The following PCDHA12 variants were observed in gnomAD, a reference collection of about 807,000 sequenced individuals.
The protein encoded by PCDHA12 is protocadherin alpha-12.
A neutral mutation model predicts 60.0 loss-of-function variants in PCDHA12; 44 were observed. The ratio of observed to expected loss-of-function variants is 0.73; its 90% confidence interval spans 0.58 to 0.94. PCDHA12 has a LOEUF of 0.94. Among genes scored for constraint, PCDHA12 ranks in the 40% least tolerant of loss-of-function variants. The pLI, the probability that PCDHA12 is intolerant of heterozygous loss-of-function variation, is 0.00. For missense variants in PCDHA12, 1,276 were observed against 1,239.7 expected, an observed-to-expected ratio of 1.03 and a Z score of -0.44; for synonymous variants, 569 against 553.0, an observed-to-expected ratio of 1.03 and a Z score of -0.40.
chr5:140,958,116 T>G (rs2095410051), intron 1 of PCDHA12, among the ~76,000 whole-genome samples: 1 of 152,060 alleles, frequency 6.6e-6, no homozygotes, highest in African/African-American at 2.4e-5. Context: ...TGGTTCCATT[T>G]TGTAAAATGT....
chr5:140,999,797 T>C (rs2097876830), intron 3 of PCDHA12, among the ~76,000 whole-genome samples: 1 of 152,202 alleles, frequency 6.6e-6, no homozygotes, highest in African/African-American at 2.4e-5. Context: ...CAGAGTTATT[T>C]TGGGCACAAA....
At chr5:140,891,285 G>T (rs1402021884) in intron 1 of PCDHA12, among the ~76,000 whole-genome samples, 1 of 152,102 alleles carries the variant, frequency 6.6e-6, no homozygotes, top group South Asian at 2.1e-4. Flanking sequence ...GTTATTGGGG[G>T]TACAGGTGGT....
rs148688132 is a variant in PCDHA12, at chr5:140,902,203, CTT to C, written c.2367+24381_2367+24382del. Among the ~76,000 whole-genome samples the C allele has an allele frequency of 5.2e-3, 642 of 124,424 alleles. 3 individuals are homozygous for C. The highest frequency in any genetic ancestry group is 0.019 in the African/African-American group (601 of 32,314). 81.6% of individuals were successfully genotyped at this position (124,424 alleles called of 152,430 possible). The stretch of plus-strand genomic sequence containing the variant: ...TTATGTCTTCTCTCTCTCTCTCTTT[CTT>C]TTTTTTTTTTTTTTTTGAGATGAGG... On this transcript the variant is annotated intron_variant, in intron 1 of 3. Coordinates refer to ENST00000398631, the MANE Select transcript of PCDHA12 (RefSeq NM_018903.4).
At chr5:140,902,986 T>C (rs569244845) in intron 1 of PCDHA12, among the ~76,000 whole-genome samples, 1 of 152,346 alleles carries the variant, frequency 6.6e-6, no homozygotes, top group East Asian at 1.9e-4. Flanking sequence ...GTTGGTTCCA[T>C]ATTTTTGCAA....
At position 140,978,793 on chromosome 5, in the gene PCDHA12, A is replaced by G. The variant is rs1241254692; in HGVS notation, c.2368-156A>G. 4.1e-6 allele frequency: 4 copies of G among 977,674 alleles called. No individual in the cohort carries two copies. In the African/African-American group the frequency reaches 7.0e-5, roughly 17 times the overall value. The allele number at this position is 977,674 out of a possible 1,614,324, so 60.6% of individuals were successfully genotyped here. On this transcript the variant is annotated intron_variant, in intron 1 of 3. Coordinates refer to ENST00000398631, the MANE Select transcript of PCDHA12 (RefSeq NM_018903.4). ...CTAATTTTCTTCTAAAGTGCTATAT[A>G]TGTAGATATCATCATAGAGTTACAC... is the stretch of plus-strand genomic sequence containing the variant.
chr5:141,005,932 G>A (rs1588114868), intron 3 of PCDHA12, among the ~76,000 whole-genome samples: 2 of 152,074 alleles, frequency 1.3e-5, no homozygotes, highest in East Asian at 3.9e-4. Context: ...GGTTGACAGA[G>A]TGAGAACCTA....
intron 1 of PCDHA12, among the ~76,000 whole-genome samples, chr5:140,896,063 G>A (rs531616608): frequency 1.4e-3 from 217 of 152,130 alleles, no homozygotes; most frequent in African/African-American, 4.7e-3. Flanking sequence ...CGCCTGCCTC[G>A]GCCTCCCAAC....
At chr5:140,900,673 A>T (rs936784929) in intron 1 of PCDHA12, among the ~76,000 whole-genome samples, 6 of 152,210 alleles carry the variant, frequency 3.9e-5, no homozygotes, top group African/African-American at 1.4e-4. Context: ...GAGTGCAGTT[A>T]TCTCTTCAAT....
intron 1 of PCDHA12, among the ~76,000 whole-genome samples, chr5:140,944,577 C>G (rs2093670906): frequency 6.6e-6 from 1 of 152,270 alleles, no homozygotes; most frequent in Admixed American, 6.5e-5. Flanking sequence ...CTGTAGAGAT[C>G]ACTTCAGAAT....
rs1012417649 is a variant in PCDHA12 at position 141,010,189 on chromosome 5, T to C, written c.*252T>C. On this transcript the variant is annotated 3_prime_UTR_variant, in exon 4 of 4. Coordinates refer to ENST00000398631, the MANE Select transcript of PCDHA12 (RefSeq NM_018903.4). ...AGAACCTAAAAAGCAGACCCAAGTT[T>C]CCTTTCTCCTCCGCCGCAAAGGAGA... 6 of 1,552,498 alleles carry C rather than the reference T, an allele frequency of 3.9e-6. No individual in the cohort carries two copies. Among genetic ancestry groups the C allele is most frequent in the Middle Eastern group, 1.7e-4 (1 of 5,994 alleles).
chr5:140,968,659 C>T, intron 1 of PCDHA12: 1 of 1,614,160 alleles, frequency 6.2e-7, no homozygotes, highest in East Asian at 2.2e-5. Flanking sequence ...CTGACCTGGA[C>T]CTCTTTAAGG....
rs549880473 is a variant in PCDHA12, at chr5:140,972,926, T to C, written c.2368-6023T>C. Among the ~76,000 whole-genome samples the C allele has an allele frequency of 9.2e-5, 14 of 152,264 alleles. No individual in the cohort carries two copies. The East Asian group carries it at 2.7e-3, about 29-fold the overall frequency. On this transcript the variant is annotated intron_variant, in intron 1 of 3. Coordinates refer to ENST00000398631, the MANE Select transcript of PCDHA12 (RefSeq NM_018903.4). ...ATCCACCCGCCTTGGCCTCCCAAAG[T>C]GCTGGGATTACAGATGTGAGCCACC...
chr5:140,884,260 G>A (rs781862611), intron 1 of PCDHA12: 19 of 1,613,410 alleles, frequency 1.2e-5, no homozygotes, highest in Non-Finnish European at 1.5e-5. Flanking sequence ...CCACGGCAAC[G>A]GTGCTGTTGT....
intron 1 of PCDHA12, among the ~76,000 whole-genome samples, chr5:140,945,368 C>T (rs980832309): frequency 1.3e-5 from 2 of 151,844 alleles, no homozygotes; most frequent in African/African-American, 4.8e-5. Flanking sequence ...TTAAAATGTC[C>T]ATATTACCCA....
chr5:140,964,600 A>G (rs1322521285), intron 1 of PCDHA12, among the ~76,000 whole-genome samples: 1 of 152,104 alleles, frequency 6.6e-6, no homozygotes, highest in Non-Finnish European at 1.5e-5. Flanking sequence ...TTTCATGACA[A>G]CTTACAACTT....
chr5:140,940,468 C>A (rs2092618066), intron 1 of PCDHA12, among the ~76,000 whole-genome samples: 1 of 151,866 alleles, frequency 6.6e-6, no homozygotes, highest in African/African-American at 2.4e-5. Flanking sequence ...CTGTTCCCTG[C>A]AATTTTTTTT....
chr5:140,928,949 T>C, intron 1 of PCDHA12: 1 of 1,614,066 alleles, frequency 6.2e-7, no homozygotes, highest in Non-Finnish European at 8.5e-7. Flanking sequence ...TATTTAGTAA[T>C]TGCCTTGGCT....
intron 3 of PCDHA12, among the ~76,000 whole-genome samples, chr5:140,991,246 AT>A (rs1239917412): frequency 6.6e-6 from 1 of 152,206 alleles, no homozygotes; most frequent in African/African-American, 2.4e-5. Context: ...TAAAGGCAGT[AT>A]TTGAACTCAT....
intron 3 of PCDHA12, among the ~76,000 whole-genome samples, chr5:141,008,031 T>C (rs566619568): frequency 1.3e-5 from 2 of 152,336 alleles, no homozygotes; most frequent in Admixed American, 6.5e-5. Flanking sequence ...TTCTTGTTAA[T>C]CTGCCTTTTG....
Sources: allele counts gnomAD v4.1 joint callset (sites outside exome capture counted in the v4.1 genomes callset), GRCh38; gene constraint gnomAD v4.1.1; transcripts MANE v1.5; gene names NCBI Gene and HGNC (gene_info 2026-07-23, HGNC 2026-07-21).